RAD51B: variants seen among roughly 807,000 people sequenced by gnomAD.
RAD51B encodes RAD51 paralog B.
In RAD51B, 38 loss-of-function variants were observed where a neutral mutation model predicts 42.2. The ratio of observed to expected loss-of-function variants is 0.90; its 90% confidence interval spans 0.70 to 1.18. The LOEUF is 1.18. RAD51B is among the 50% of genes most tolerant of loss of function. The probability of loss-of-function intolerance (pLI) is 0.00; values close to 1 mark genes in which losing one functional copy is unlikely to be tolerated. For missense variants in RAD51B, 373 were observed against 400.7 expected (o/e 0.93, Z 0.59); for synonymous variants, 154 against 145.2 (o/e 1.06, Z -0.43).
intron 10 of RAD51B, among the ~76,000 whole-genome samples, chr14:68,648,738 T>A (rs1892638229): frequency 6.7e-6 from 1 of 148,798 alleles, no homozygotes; most frequent in Non-Finnish European, 1.5e-5. Flanking sequence ...TTATTCAACT[T>A]TGCCTGACTT....
chr14:68,271,569 A>G (rs951105416), intron 7 of RAD51B, among the ~76,000 whole-genome samples: 7 of 152,200 alleles, frequency 4.6e-5, no homozygotes, highest in Non-Finnish European at 4.4e-5. Flanking sequence ...TTATCGTCCA[A>G]TGGATATGGG....
At chr14:67,939,862 G>A (rs905278456) in intron 7 of RAD51B, among the ~76,000 whole-genome samples, 3 of 150,450 alleles carry the variant, frequency 2.0e-5, no homozygotes, top group South Asian at 2.1e-4. Context: ...ATTTTGGGAG[G>A]ACACAAACAT....
At chr14:68,509,658 T>C (rs1339599324) in intron 10 of RAD51B, among the ~76,000 whole-genome samples, 2 of 152,230 alleles carry the variant, frequency 1.3e-5, no homozygotes, top group Non-Finnish European at 2.9e-5. Context: ...GTGGAATTCT[T>C]GCCTAGCGAG....
chr14:68,036,832 A>G (rs2076130608), intron 7 of RAD51B, among the ~76,000 whole-genome samples: 1 of 152,184 alleles, frequency 6.6e-6, no homozygotes, highest in Admixed American at 6.5e-5. Flanking sequence ...ATATTGCTAT[A>G]AAGTTTTTTA....
chr14:68,399,857 A>G (rs747886876), intron 8 of RAD51B, among the ~76,000 whole-genome samples: 1 of 152,188 alleles, frequency 6.6e-6, no homozygotes, highest in Non-Finnish European at 1.5e-5. Context: ...AATGTACTCT[A>G]TGGCAGTTTT....
intron 8 of RAD51B, among the ~76,000 whole-genome samples, chr14:68,296,890 T>C (rs927550145): frequency 1.6e-4 from 24 of 152,188 alleles, no homozygotes; most frequent in African/African-American, 4.8e-4. Context: ...AAACTAAAAA[T>C]GTAAAATGTG....
chr14:67,846,574 T>C (rs1263906446), intron 4 of RAD51B, among the ~76,000 whole-genome samples: 1 of 152,122 alleles, frequency 6.6e-6, no homozygotes, highest in South Asian at 2.1e-4. Context: ...CAGTGGAGGC[T>C]GCTCTACTGG....
At chr14:68,267,484 A>T (rs1204871952) in intron 7 of RAD51B, among the ~76,000 whole-genome samples, 1 of 152,196 alleles carries the variant, frequency 6.6e-6, no homozygotes, top group Non-Finnish European at 1.5e-5. Context: ...GTCTTCTAGA[A>T]TTCTTTCAAA....
chr14:68,590,974 T>C (rs1400014776), intron 10 of RAD51B, among the ~76,000 whole-genome samples: 1 of 152,176 alleles, frequency 6.6e-6, no homozygotes, highest in Non-Finnish European at 1.5e-5. Flanking sequence ...CAGGCAGCCA[T>C]GGACCCCTCC....
chr14:68,406,839 A>AT (rs1312029896), intron 8 of RAD51B, among the ~76,000 whole-genome samples: 3 of 152,024 alleles, frequency 2.0e-5, no homozygotes, highest in African/African-American at 7.3e-5. Context: ...TGTTTTTTAG[A>AT]TTTTTTTACC....
At chr14:68,410,282 C>G (rs1285894676) in intron 8 of RAD51B, among the ~76,000 whole-genome samples, 1 of 152,112 alleles carries the variant, frequency 6.6e-6, no homozygotes, top group African/African-American at 2.4e-5. Context: ...AGTTAGTAGA[C>G]CACCCTGAAA....
intron 7 of RAD51B, among the ~76,000 whole-genome samples, chr14:68,132,310 A>G (rs1308943376): frequency 6.6e-6 from 1 of 152,232 alleles, no homozygotes; most frequent in Non-Finnish European, 1.5e-5. Context: ...TGCTGTACAG[A>G]CAAAAAGTAA....
chr14:67,841,674 A>G (rs1193337368), intron 4 of RAD51B, among the ~76,000 whole-genome samples: 1 of 132,638 alleles, frequency 7.5e-6, no homozygotes, highest in African/African-American at 3.2e-5. Flanking sequence ...TTGAATAGGA[A>G]GTCCTTTCCC....
At chr14:68,119,843 A>G (rs2077616558) in intron 7 of RAD51B, among the ~76,000 whole-genome samples, 1 of 148,278 alleles carries the variant, frequency 6.7e-6, no homozygotes, top group South Asian at 2.2e-4. Flanking sequence ...CAGTAATGGG[A>G]TGGCTGGGTC....
intron 8 of RAD51B, among the ~76,000 whole-genome samples, chr14:68,301,109 T>A (rs550302366): frequency 6.6e-6 from 1 of 152,212 alleles, no homozygotes; most frequent in Non-Finnish European, 1.5e-5. Context: ...TAGAAGGCCT[T>A]TTTAGGTTAT....
chr14:67,847,666 A>T (rs996593478), intron 4 of RAD51B, among the ~76,000 whole-genome samples: 3 of 152,076 alleles, frequency 2.0e-5, no homozygotes, highest in East Asian at 1.9e-4. Flanking sequence ...TTCGATTTTT[A>T]AAAAAATTTA....
chr14:68,503,961 T>A (rs1242679911), intron 10 of RAD51B, among the ~76,000 whole-genome samples: 1 of 151,762 alleles, frequency 6.6e-6, no homozygotes, highest in Non-Finnish European at 1.5e-5. Context: ...AAAAACAGAG[T>A]CGGTAGATAA....
chr14:68,235,052 A>T (rs1034530238), intron 7 of RAD51B, among the ~76,000 whole-genome samples: 2 of 152,188 alleles, frequency 1.3e-5, no homozygotes, highest in African/African-American at 4.8e-5. Context: ...TAGAAAGAGT[A>T]CACTGTAAAA....
At chr14:68,019,850 C>T (rs1329571136) in intron 7 of RAD51B, among the ~76,000 whole-genome samples, 2 of 152,184 alleles carry the variant, frequency 1.3e-5, no homozygotes, top group African/African-American at 2.4e-5. Context: ...ATCAGTATTA[C>T]AGCTGGCAGG....
Sources: allele counts gnomAD v4.1 joint callset (sites outside exome capture counted in the v4.1 genomes callset), GRCh38; gene constraint gnomAD v4.1.1; transcripts MANE v1.5; gene names NCBI Gene and HGNC (gene_info 2026-07-23, HGNC 2026-07-21).